GIGYF2: variants seen among roughly 807,000 people sequenced by gnomAD.
GIGYF2 encodes GRB10 interacting GYF protein 2.
Under a neutral mutation model 208.1 loss-of-function variants are expected in GIGYF2, and 25 were observed. The observed-to-expected ratio is 0.12, with a 90% CI of 0.09 to 0.17. The LOEUF is 0.17. Among genes scored for constraint, GIGYF2 ranks in the 10% least tolerant of loss-of-function variants. The pLI is 1.00. For synonymous variants in GIGYF2, 534 were observed against 543.8 expected, an observed-to-expected ratio of 0.98 and a Z score of 0.25; for missense variants, 1,302 against 1,579.4, an observed-to-expected ratio of 0.82 and a Z score of 2.98.
At chr2:232,760,172 A>C (rs1041216569) in intron 6 of GIGYF2, 1 of 216,464 alleles carries the variant, frequency 4.6e-6, no homozygotes, top group African/African-American at 2.3e-5. Flanking sequence ...GTTTTATTGA[A>C]CTTCTTAGAA....
Position 232,736,009 on chromosome 2 carries a change from T to G in GIGYF2, c.41+771T>G, listed in dbSNP as rs11884228. 4.8e-3 allele frequency: 4,671 copies of G among 980,912 alleles called. 173 individuals are homozygous for G. In the African/African-American group the frequency reaches 0.075, roughly 16 times the overall value. The allele number at this position is 980,912 out of a possible 1,614,324, so 60.8% of individuals were successfully genotyped here. A position where few individuals can be genotyped will look rare whatever the true frequency, so the allele number is the denominator to read the frequency against. On this transcript the variant is annotated intron_variant, in intron 3 of 28. Coordinates refer to ENST00000373563, the MANE Select transcript of GIGYF2 (RefSeq NM_001103146.3). ...TGTCTTAAACTCTTGGTTGTTCAGG[T>G]GGGAGTGGTTCAATAAATGATGCAG...
intron 9 of GIGYF2, 66 bp downstream of exon 9, chr2:232,787,395 A>G: frequency 1.5e-6 from 2 of 1,358,928 alleles, no homozygotes. Context: ...GGAAATAGGG[A>G]TTAAATGAAA....
chr2:232,740,699 G>T (rs1198971304), intron 3 of GIGYF2, among the ~76,000 whole-genome samples: 1 of 152,160 alleles, frequency 6.6e-6, no homozygotes, highest in Non-Finnish European at 1.5e-5. Flanking sequence ...ATAAATGAAT[G>T]TTGAATGAAG....
intron 21 of GIGYF2, among the ~76,000 whole-genome samples, chr2:232,827,258 T>C (rs1015187358): frequency 1.3e-5 from 2 of 151,860 alleles, no homozygotes; most frequent in African/African-American, 4.8e-5. Context: ...CTTTAGAGTA[T>C]AAACATTTAT....
intron 8 of GIGYF2, among the ~76,000 whole-genome samples, chr2:232,769,434 G>A (rs1414573686): frequency 6.6e-6 from 1 of 150,818 alleles, no homozygotes; most frequent in Non-Finnish European, 1.5e-5. Context: ...AGGAGGCTGA[G>A]GCAGGAGATT....
At chr2:232,827,213 T>A (rs147044542) in intron 21 of GIGYF2, among the ~76,000 whole-genome samples, 1,740 of 152,228 alleles carry the variant, frequency 0.011, 49 homozygotes, top group Non-Finnish European at 0.02. Context: ...ACATTGTTTT[T>A]TAAGACATAA....
intron 3 of GIGYF2, 25 bp from the exon 4 acceptor site, chr2:232,747,590 A>G (rs1416377573): frequency 1.5e-5 from 24 of 1,613,568 alleles, no homozygotes; most frequent in Non-Finnish European, 1.9e-5. Flanking sequence ...AATGTTTGAC[A>G]TATTCTCTGT....
At chr2:232,767,070 A>G (rs1698998441) in intron 8 of GIGYF2, 1 of 152,218 alleles carries the variant, frequency 6.6e-6, no homozygotes, top group Non-Finnish European at 1.5e-5. Flanking sequence ...AAAACAGAGG[A>G]AACATAATTT....
At chr2:232,741,415 A>C (rs1353372952) in intron 3 of GIGYF2, among the ~76,000 whole-genome samples, 1 of 150,304 alleles carries the variant, frequency 6.7e-6, no homozygotes, top group Non-Finnish European at 1.5e-5. Context: ...CCAGTGGCCT[A>C]CTGATGTTTC....
At position 232,815,730 on chromosome 2, in the gene GIGYF2, C is replaced by T. The variant is rs1250748714; in HGVS notation, c.2201C>T (p.Ala734Val). 2.6e-6 allele frequency: 4 copies of T among 1,541,038 alleles called. No individual in the cohort carries two copies. Among genetic ancestry groups the T allele is most frequent in the Non-Finnish European group, 3.6e-6 (4 of 1,113,330 alleles). Residue 734 changes from alanine to valine, a missense_variant, in exon 19 of 29, where the codon GCT (alanine) becomes GTT (valine). This residue lies in a region of GIGYF2 where 701 missense variants were observed against 793.0 expected (regional missense o/e 0.88). Transcript: ENST00000373563. The part of the protein sequence containing the change: ...EQLQQLEKAK[A>V]AKLEQERREA... ...CTTCAGCAGCTAGAGAAGGCCAAAGCTGCAAAGGTCTGAAACTCATTCTTC... is the reference window on the plus strand; with the variant it reads ...CTTCAGCAGCTAGAGAAGGCCAAAGTTGCAAAGGTCTGAAACTCATTCTTC...
In GIGYF2 at chr2:232,844,125, G is replaced by A; in HGVS notation, c.2969G>A (p.Gly990Glu). ...QQQQQKLSGW[G>E]NVSKPSGTTK... is the part of the protein sequence containing the mutation. ...CAACAGCAGAAACTCTCAGGTTGGG[G>A]GAATGTCAGCAAACCTTCAGGTACC... is the stretch of plus-strand genomic sequence containing the variant. The change falls in exon 24 of 29, where the codon GGG becomes GAG. Residue 990 changes from glycine (G) to glutamate (E), a missense_variant. Gly to Glu is a moderately conservative substitution (Grantham distance 98). This residue lies in a region of GIGYF2 where 701 missense variants were observed against 793.0 expected (regional missense o/e 0.88). Coordinates refer to ENST00000373563, the MANE Select transcript of GIGYF2 (RefSeq NM_001103146.3). 1 of 1,593,928 alleles carries A rather than the reference G, an allele frequency of 6.3e-7. No homozygotes were observed. The highest frequency in any genetic ancestry group is 8.6e-7 in the Non-Finnish European group (1 of 1,168,344).
chr2:232,747,264 TA>T lies in GIGYF2; in HGVS notation c.42-350del, dbSNP rs544553227. 2.2e-4 allele frequency among the ~76,000 whole-genome samples: 34 copies of T among 152,354 alleles called. 1 individual carries two copies. The East Asian group carries it at 6.2e-3, about 28-fold the overall frequency. On this transcript the variant is annotated intron_variant, in intron 3 of 28. Coordinates refer to ENST00000373563, the MANE Select transcript of GIGYF2 (RefSeq NM_001103146.3). ...TGGTATTATCAGACTTATTAAGTTT[TA>T]TGAATCTAGTGAGTGTAAGGTAGTA...
chr2:232,768,012 G>C, intron 8 of GIGYF2: 1 of 623,614 alleles, frequency 1.6e-6, no homozygotes, highest in East Asian at 2.8e-5. Flanking sequence ...GTAATGTAGA[G>C]TGTTATGTTT....
Position 232,844,541 on chromosome 2 carries a change from C to T in GIGYF2, c.3272C>T (p.Ser1091Leu), listed in dbSNP as rs1574949024. ...GTGAAAGAGGTGGGACCTAGGAATT[C>T]AACAAATAAAAATAAAAACAACGCC... is the stretch of plus-strand genomic sequence containing the variant. Reference protein sequence around the residue: ...DAVKEVGPRNSTNKNKNNASL... With the variant: ...DAVKEVGPRNLTNKNKNNASL... Residue 1091 changes from serine to leucine, a missense_variant, in exon 25 of 29, where the codon TCA becomes TTA. Ser to Leu is a moderately radical substitution (Grantham distance 145). Coordinates refer to ENST00000373563, the MANE Select transcript of GIGYF2 (RefSeq NM_001103146.3). 2.5e-6 allele frequency: 4 copies of T among 1,611,808 alleles called. No individual in the cohort carries two copies. Among genetic ancestry groups the T allele is most frequent in the African/African-American group, 1.3e-5 (1 of 74,930 alleles).
chr2:232,850,275 G>A lies in GIGYF2; in HGVS notation c.3698G>A (p.Gly1233Glu). The A allele has an allele frequency of 6.2e-7, 1 of 1,613,298 alleles. No individual in the cohort carries two copies. Reference sequence around the variant, plus strand: ...CTTATTTCACAGGACTCTGTGTGGGGGATGAACCACAGTACACTCCATTCA... The same window carrying A: ...CTTATTTCACAGGACTCTGTGTGGGAGATGAACCACAGTACACTCCATTCA... ...QQPQQQDSVW[G>E]MNHSTLHSVF... Residue 1233 changes from glycine (G) to glutamate (E), a missense_variant, in exon 28 of 29, where the codon GGG becomes GAG. Gly to Glu is a moderately conservative substitution (Grantham distance 98). This residue lies in a region of GIGYF2 where 701 missense variants were observed against 793.0 expected (regional missense o/e 0.88). Coordinates refer to ENST00000373563, the MANE Select transcript of GIGYF2 (RefSeq NM_001103146.3).
chr2:232,809,046 G>C (rs1574909488), intron 15 of GIGYF2, among the ~76,000 whole-genome samples: 1 of 152,146 alleles, frequency 6.6e-6, no homozygotes, highest in East Asian at 1.9e-4. Context: ...CCAGGTTCAA[G>C]TGATTCTCCT....
At chr2:232,834,935 A>G (rs1411645252) in intron 22 of GIGYF2, among the ~76,000 whole-genome samples, 2 of 152,116 alleles carry the variant, frequency 1.3e-5, no homozygotes, top group Admixed American at 6.5e-5. Context: ...CTTTTCGTGT[A>G]CTTATCTCCT....
At chr2:232,714,396 A>C (rs1237179668) in intron 2 of GIGYF2, among the ~76,000 whole-genome samples, 1 of 152,178 alleles carries the variant, frequency 6.6e-6, no homozygotes, top group Non-Finnish European at 1.5e-5. Context: ...CATCTGTTTT[A>C]ATACCTTTAA....
At chr2:232,763,797 C>T (rs1698838655) in intron 8 of GIGYF2, among the ~76,000 whole-genome samples, 1 of 151,174 alleles carries the variant, frequency 6.6e-6, no homozygotes, top group Non-Finnish European at 1.5e-5. Context: ...TGCCACTGCA[C>T]TCCAGCCTGG....
Sources: allele counts gnomAD v4.1 joint callset (sites outside exome capture counted in the v4.1 genomes callset), GRCh38; gene constraint gnomAD v4.1.1; regional missense constraint gnomAD v4.1.1; transcripts MANE v1.5; gene names NCBI Gene and HGNC (gene_info 2026-07-23, HGNC 2026-07-21).